Variants in FNDC3A observed in about 807,000 individuals in gnomAD.
FNDC3A encodes fibronectin type III domain containing 3A.
A neutral mutation model predicts 148.9 loss-of-function variants in FNDC3A; 32 were observed. The observed-to-expected ratio is 0.21, with a 90% CI of 0.16 to 0.29. FNDC3A has a LOEUF of 0.29. Among genes scored for constraint, FNDC3A ranks in the 10% least tolerant of loss-of-function variants. FNDC3A has a pLI of 1.00. For missense variants in FNDC3A, 1,191 were observed against 1,452.8 expected, an observed-to-expected ratio of 0.82 and a Z score of 2.93; for synonymous variants, 472 against 473.6, an observed-to-expected ratio of 1.00 and a Z score of 0.04.
chr13:48,997,058 C>T (rs553495413), intron 1 of FNDC3A, among the ~76,000 whole-genome samples: 16 of 149,970 alleles, frequency 1.1e-4, no homozygotes, highest in East Asian at 9.8e-4. Flanking sequence ...AGCGAGACTC[C>T]GTCTCAAGAA....
chr13:49,192,918 T>G (rs556734966), intron 19 of FNDC3A, among the ~76,000 whole-genome samples: 2 of 152,314 alleles, frequency 1.3e-5, no homozygotes, highest in South Asian at 4.1e-4. Context: ...AGTTTTATTT[T>G]AAATAAAATC....
At position 49,116,423 on chromosome 13, in the gene FNDC3A, A is replaced by C. The variant is rs78084087; in HGVS notation, c.252+1692A>C. Among the ~76,000 whole-genome samples, 1,447 of 152,330 alleles carry C rather than the reference A, an allele frequency of 9.5e-3. 13 individuals carry two copies. Among genetic ancestry groups the C allele is most frequent in the African/African-American group, 0.023 (939 of 41,580 alleles). On this transcript the variant is annotated intron_variant, in intron 4 of 25. Coordinates refer to ENST00000492622, the MANE Select transcript of FNDC3A (RefSeq NM_001079673.2). The stretch of plus-strand genomic sequence containing the variant: ...ACTCTTGAGTGCTTGGAATATGTCC[A>C]TGACTGAAAGAGGCAAAGACTCATG...
intron 16 of FNDC3A, chr13:49,187,554 A>G: frequency 6.2e-7 from 1 of 1,610,968 alleles, no homozygotes; most frequent in Non-Finnish European, 8.5e-7. Flanking sequence ...AACACATCTT[A>G]GCTAGTAACG....
intron 2 of FNDC3A, among the ~76,000 whole-genome samples, chr13:49,036,834 A>G (rs954869589): frequency 6.6e-6 from 1 of 152,230 alleles, no homozygotes; most frequent in Non-Finnish European, 1.5e-5. Flanking sequence ...GTTCACAGTC[A>G]TAGTGGTTGA....
chr13:49,074,400 T>C (rs1370441344), intron 2 of FNDC3A, among the ~76,000 whole-genome samples: 1 of 152,172 alleles, frequency 6.6e-6, no homozygotes, highest in Admixed American at 6.5e-5. Context: ...AAAAGCAGTT[T>C]AGCAACAAGC....
chr13:49,120,193 C>G (rs891889826), intron 4 of FNDC3A, among the ~76,000 whole-genome samples: 1 of 152,194 alleles, frequency 6.6e-6, no homozygotes, highest in Non-Finnish European at 1.5e-5. Flanking sequence ...ATTCAACATT[C>G]TTAAAGGAAA....
intron 3 of FNDC3A, among the ~76,000 whole-genome samples, chr13:49,098,865 G>C (rs1593587332): frequency 6.6e-6 from 1 of 152,136 alleles, no homozygotes; most frequent in East Asian, 1.9e-4. Flanking sequence ...GGAAAAGAAA[G>C]GTCTCTAAAC....
intron 13 of FNDC3A, among the ~76,000 whole-genome samples, chr13:49,176,602 G>A (rs1166725069): frequency 6.6e-6 from 1 of 152,008 alleles, no homozygotes; most frequent in Admixed American, 6.6e-5. Flanking sequence ...TGCATGTTCT[G>A]CACATGTATC....
In FNDC3A at chr13:49,186,058, C is replaced by T. The variant is rs375462764; in HGVS notation, c.1712C>T (p.Ser571Leu). 9.9e-6 allele frequency: 16 copies of T among 1,612,680 alleles called. No individual in the cohort carries two copies. The highest frequency in any genetic ancestry group is 5.0e-5 in the Admixed American group (3 of 59,998). The change falls in exon 15 of 26, where the codon TCA (serine) becomes TTA (leucine). Residue 571 changes from serine to leucine, a missense_variant. Ser to Leu is a moderately radical substitution (Grantham distance 145, BLOSUM62 -2). Around this residue, in one of 3 missense-constraint regions of FNDC3A, gnomAD observed 751 missense variants for 944.0 expected, o/e 0.80. Transcript: ENST00000492622. ...PDKPGIPVKP[S>L]VKGKIHSHSF... is the part of the protein sequence containing the mutation. ...AAACCAGGCATACCTGTAAAGCCTT[C>T]AGTGAAAGGAAAGATACATTCACAC... is the stretch of plus-strand genomic sequence containing the variant.
intron 10 of FNDC3A, among the ~76,000 whole-genome samples, chr13:49,171,104 T>C (rs897641459): frequency 1.3e-5 from 2 of 152,150 alleles, no homozygotes; most frequent in South Asian, 2.1e-4. Flanking sequence ...CAGTGAGATA[T>C]TACCCTAACT....
At chr13:49,190,277 C>T (rs966854129) in intron 17 of FNDC3A, among the ~76,000 whole-genome samples, 8 of 152,016 alleles carry the variant, frequency 5.3e-5, no homozygotes, top group African/African-American at 1.7e-4. Flanking sequence ...GTATCAAATA[C>T]CTAGAAAGAT....
chr13:49,132,888 T>C (rs1270307016), intron 5 of FNDC3A, among the ~76,000 whole-genome samples: 1 of 152,204 alleles, frequency 6.6e-6, no homozygotes, highest in Non-Finnish European at 1.5e-5. Flanking sequence ...TTCTTTTTTG[T>C]CATTGTGTAT....
intron 7 of FNDC3A, among the ~76,000 whole-genome samples, chr13:49,145,251 T>C (rs973631320): frequency 6.6e-6 from 1 of 152,212 alleles, no homozygotes; most frequent in Non-Finnish European, 1.5e-5. Flanking sequence ...TTTCTCCAAG[T>C]TTTTAACACT....
intron 2 of FNDC3A, among the ~76,000 whole-genome samples, chr13:49,026,975 G>C (rs1211340324): frequency 6.6e-6 from 1 of 151,956 alleles, no homozygotes; most frequent in African/African-American, 2.4e-5. Flanking sequence ...AAGTCCAGAG[G>C]ATACCAACTG....
Position 49,167,155 on chromosome 13 carries a change from T to C in FNDC3A, c.978-89T>C, listed in dbSNP as rs1884509879. On this transcript the variant is annotated intron_variant, in intron 8 of 25. Coordinates refer to ENST00000492622, the MANE Select transcript of FNDC3A (RefSeq NM_001079673.2). ...GTTGGTAAAGAAAGAAGTAGTTTCA[T>C]AAAATACTCTAAACTATAGTGTATA... 5.7e-6 allele frequency: 4 copies of C among 700,708 alleles called. No homozygotes were observed. In the Admixed American group the frequency reaches 1.1e-4, roughly 19 times the overall value. 43.4% of individuals were successfully genotyped at this position (700,708 alleles called of 1,614,324 possible). A position where few individuals can be genotyped will look rare whatever the true frequency, so the allele number is the denominator to read the frequency against.
At chr13:49,187,663 C>T (rs1343279526) in intron 16 of FNDC3A, 26 of 1,589,188 alleles carry the variant, frequency 1.6e-5, no homozygotes, top group Non-Finnish European at 2.2e-5. Context: ...GATGCTCTGG[C>T]CCAACGTAGC....
intron 7 of FNDC3A, 74 bp downstream of exon 7, chr13:49,138,879 GT>G (rs1343834866): frequency 1.2e-5 from 10 of 838,768 alleles, no homozygotes; most frequent in Middle Eastern, 3.4e-4. Flanking sequence ...TCAAAATGTA[GT>G]TTTTTTCTTT....
Position 49,142,597 on chromosome 13 carries a change from A to T in FNDC3A, c.820-3181A>T, listed in dbSNP as rs527312973. Among the ~76,000 whole-genome samples, 14 of 152,308 alleles carry T rather than the reference A, an allele frequency of 9.2e-5. No homozygotes were observed. In the East Asian group the frequency reaches 1.4e-3, roughly 15 times the overall value. On this transcript the variant is annotated intron_variant, in intron 7 of 25. Transcript: ENST00000492622. ...CTCTTTTTCTTCTATGCAACTCTATAATTCACCTGAAACCAGCAACAGAAA... is the reference window on the plus strand; with the variant it reads ...CTCTTTTTCTTCTATGCAACTCTATTATTCACCTGAAACCAGCAACAGAAA...
intron 2 of FNDC3A, among the ~76,000 whole-genome samples, chr13:49,023,041 TTCTG>T (rs1293487488): frequency 6.6e-6 from 1 of 152,048 alleles, no homozygotes; most frequent in Non-Finnish European, 1.5e-5. Flanking sequence ...CATATTCAGG[TTCTG>T]TCTGTGTATA....
Sources: gnomAD v4.1 joint callset for allele counts (sites outside exome capture counted in the v4.1 genomes callset) on GRCh38, gnomAD v4.1.1 for gene constraint, gnomAD v4.1.1 regional missense constraint, MANE v1.5 for transcripts, NCBI Gene and HGNC (gene_info 2026-07-23, HGNC 2026-07-21) for gene names.